MACF1: variants seen among roughly 807,000 people sequenced by gnomAD.
The protein encoded by MACF1 is microtubule-actin cross-linking factor 1.
Under a neutral mutation model 854.8 loss-of-function variants are expected in MACF1, and 193 were observed. The ratio of observed to expected loss-of-function variants is 0.23; its 90% confidence interval spans 0.20 to 0.25. The LOEUF is 0.25. MACF1 is among the 10% of genes least tolerant of loss of function. The probability of loss-of-function intolerance (pLI) is 1.00; values close to 1 mark genes in which losing one functional copy is unlikely to be tolerated. For missense variants in MACF1, 7,722 were observed against 8,929.1 expected, an observed-to-expected ratio of 0.86 and a Z score of 5.45; for synonymous variants, 3,185 against 3,226.7, an observed-to-expected ratio of 0.99 and a Z score of 0.44.
Position 39,254,366 on chromosome 1 carries a change from G to A in MACF1, c.426G>A (p.Lys142=). The A allele has an allele frequency of 2.5e-6, 4 of 1,614,114 alleles. No homozygotes were observed. The highest frequency in any genetic ancestry group is 3.4e-6 in the Non-Finnish European group (4 of 1,179,972). The change falls in exon 5 of 101, where the codon AAG becomes AAA. Residue 142 remains lysine, a synonymous_variant. Transcript: ENST00000564288. ...TGCAGATTGCCCTGGACTTCCTAAA[G>A]CAGCGACAGGTAAGACCATCACATG... ...QNVQIALDFL[K]QRQVKLVNIR...
intron 22 of MACF1, 53 bp downstream of exon 22, chr1:39,300,415 G>T: frequency 6.5e-7 from 1 of 1,536,438 alleles, no homozygotes; most frequent in Middle Eastern, 1.8e-4. Flanking sequence ...AAGAAAGAAG[G>T]GAAGCCTTCA....
chr1:39,103,146 A>T (rs1450867453), intron 2 of MACF1: 1 of 439,106 alleles, frequency 2.3e-6, no homozygotes, highest in African/African-American at 2.0e-5. Context: ...GTGTTTCTTA[A>T]AAGGAATCTC....
intron 58 of MACF1, chr1:39,412,074 G>T: frequency 6.2e-7 from 1 of 1,613,996 alleles, no homozygotes; most frequent in Middle Eastern, 1.6e-4. Flanking sequence ...CAGGAGGACT[G>T]CTGAACTCTG....
chr1:39,431,185 A>G (rs1029654891), intron 66 of MACF1, among the ~76,000 whole-genome samples: 10 of 152,210 alleles, frequency 6.6e-5, no homozygotes, highest in African/African-American at 1.9e-4. Flanking sequence ...AAGAAGGCTG[A>G]TGGTGATGGG....
At chr1:39,096,250 AAGGAGGGC>A (rs1242147868) in intron 2 of MACF1, among the ~76,000 whole-genome samples, 4 of 151,892 alleles carry the variant, frequency 2.6e-5, no homozygotes, top group Non-Finnish European at 4.4e-5. Context: ...AAACAGGTGA[AAGGAGGGC>A]AGGAGGGCAG....
intron 2 of MACF1, among the ~76,000 whole-genome samples, chr1:39,160,641 AG>A (rs1173013356): frequency 6.6e-6 from 1 of 152,222 alleles, no homozygotes; most frequent in Non-Finnish European, 1.5e-5. Context: ...AGTCTTTTTC[AG>A]GTGGGAGAAG....
chr1:39,455,038 G>A lies in MACF1; in HGVS notation c.21016G>A (p.Asp7006Asn). The A allele has an allele frequency of 5.0e-6, 8 of 1,614,132 alleles. No individual in the cohort carries two copies. Among genetic ancestry groups the A allele is most frequent in the Non-Finnish European group, 6.8e-6 (8 of 1,180,028 alleles). The change falls in exon 89 of 101, where the codon GAT becomes AAT. Residue 7006 changes from aspartate (D) to asparagine (N), a missense_variant. This residue lies in a region of MACF1 where 729 missense variants were observed against 900.5 expected (regional missense o/e 0.81). Transcript: ENST00000564288. ...GGCTGAGACCACCCTCATTCAGCGG[G>A]ATCAGGAGCCAATCCCGCAGAACAT... Reference protein sequence around the residue: ...QWAETTLIQRDQEPIPQNIDR... With the variant: ...QWAETTLIQRNQEPIPQNIDR...
chr1:39,284,433 G>A lies in MACF1; in HGVS notation c.1131+5G>A, dbSNP rs1229578923. 6.4e-7 allele frequency: 1 copy of A among 1,569,244 alleles called. No homozygotes were observed. Among genetic ancestry groups the A allele is most frequent in the Non-Finnish European group, 8.6e-7 (1 of 1,157,804 alleles). On this transcript the variant is annotated splice_donor_5th_base_variant and intron_variant, in intron 11 of 100. Coordinates refer to ENST00000564288, the MANE Select transcript of MACF1 (RefSeq NM_001394062.1). ...GAATTATATAAATTACTAGAGGTAA[G>A]TGAGCTTATCCTTTGCTGAGACTTG...
Position 39,336,422 on chromosome 1 carries a change from A to G in MACF1, c.9834A>G (p.Gly3278=), listed in dbSNP as rs764967704. The G allele has an allele frequency of 3.7e-6, 6 of 1,614,142 alleles. No individual in the cohort carries two copies. In the South Asian group the frequency reaches 6.6e-5, roughly 18 times the overall value. Residue 3278 remains glycine (G), a synonymous_variant, in exon 37 of 101, where the codon GGA becomes GGG. Coordinates refer to ENST00000564288, the MANE Select transcript of MACF1 (RefSeq NM_001394062.1). ...TTCTTCCAGAGAAACTGTTCAAAGG[A>G]GTGTCTCAAAAAGAGAATACAGGGC... ...GSFLPEKLFK[G]VSQKENTGQQ... is the part of the protein sequence containing the mutation.
chr1:39,150,625 C>T (rs1643560304), intron 2 of MACF1, among the ~76,000 whole-genome samples: 1 of 152,010 alleles, frequency 6.6e-6, no homozygotes, highest in African/African-American at 2.4e-5. Flanking sequence ...TGGTATATAC[C>T]TGCCTTTTAG....
chr1:39,434,062 AGAGT>A (rs1386693081), intron 68 of MACF1, among the ~76,000 whole-genome samples: 1 of 152,190 alleles, frequency 6.6e-6, no homozygotes, highest in Non-Finnish European at 1.5e-5. Context: ...CCTAGGTGAC[AGAGT>A]GAGACTCTGT....
Position 39,318,581 on chromosome 1 carries a change from G to C in MACF1, c.3911G>C (p.Ser1304Thr). The C allele has an allele frequency of 6.2e-7, 1 of 1,613,598 alleles. No individual in the cohort carries two copies. Among genetic ancestry groups the C allele is most frequent in the Non-Finnish European group, 8.5e-7 (1 of 1,179,782 alleles). ...ATGAAGCCAGGCCAGGCAGAGGATA[G>C]CAGAGTGCTTTCGGAGCAGCTCAGC... Reference protein sequence around the residue: ...EMMKPGQAEDSRVLSEQLSQQ... With the variant: ...EMMKPGQAEDTRVLSEQLSQQ... Residue 1304 changes from serine (S) to threonine (T), a missense_variant, in exon 30 of 101, where the codon AGC becomes ACC. Ser to Thr is a moderately conservative substitution (Grantham distance 58, BLOSUM62 1). Transcript: ENST00000564288.
chr1:39,229,472 C>T (rs1289310398), intron 1 of MACF1, among the ~76,000 whole-genome samples: 1 of 152,134 alleles, frequency 6.6e-6, no homozygotes, highest in Non-Finnish European at 1.5e-5. Context: ...AATAACTGGG[C>T]TTGGGGAGAG....
chr1:39,104,211 G>A (rs1287722907), intron 2 of MACF1, among the ~76,000 whole-genome samples: 1 of 152,172 alleles, frequency 6.6e-6, no homozygotes. Context: ...TAAATGGGGG[G>A]TGGCGGGCAC....
At chr1:39,260,664 C>T (rs1645152720) in intron 6 of MACF1, 2 of 151,910 alleles carry the variant, frequency 1.3e-5, no homozygotes, top group African/African-American at 4.8e-5. Context: ...GGCTGGTTGC[C>T]CATCATTTCT....
chr1:39,094,807 G>A (rs1008736342), intron 2 of MACF1, among the ~76,000 whole-genome samples: 4 of 152,078 alleles, frequency 2.6e-5, no homozygotes, highest in African/African-American at 9.7e-5. Context: ...TGGGAGGATT[G>A]CTTGAGCCCG....
At chr1:39,298,914 C>T (rs924024525) in intron 21 of MACF1, among the ~76,000 whole-genome samples, 1 of 152,010 alleles carries the variant, frequency 6.6e-6, no homozygotes, top group Non-Finnish European at 1.5e-5. Flanking sequence ...GGTCGCTGCT[C>T]TGTTCCCTCC....
chr1:39,269,020 T>A, intron 6 of MACF1: 1 of 1,288,676 alleles, frequency 7.8e-7, no homozygotes, highest in East Asian at 5.6e-5. Flanking sequence ...ATAGTACAGG[T>A]AAAGGAGAGA....
Position 39,332,376 on chromosome 1 carries a change from C to T in MACF1, c.5788C>T (p.Gln1930Ter). 6.2e-7 allele frequency: 1 copy of T among 1,614,076 alleles called. No homozygotes were observed. The highest frequency in any genetic ancestry group is 1.1e-5 in the South Asian group (1 of 91,082). Reference sequence around the variant, plus strand: ...TATACCTGATGTGATGCCCCACATGCAACTAGCAGACTCTGCAGAACAAAA... The same window carrying T: ...TATACCTGATGTGATGCCCCACATGTAACTAGCAGACTCTGCAGAACAAAA... ...ICIPDVMPHM[Q>*]LADSAEQNIN... The change falls in exon 37 of 101, where the codon CAA (glutamine) becomes TAA (stop). Residue 1930 changes from glutamine to a stop codon, truncating the protein, a stop_gained. Coordinates refer to ENST00000564288, the MANE Select transcript of MACF1 (RefSeq NM_001394062.1). LOFTEE classifies it high-confidence loss of function.
Sources: gnomAD v4.1 joint callset for allele counts (sites outside exome capture counted in the v4.1 genomes callset) on GRCh38, gnomAD v4.1.1 for gene constraint, gnomAD v4.1.1 regional missense constraint, MANE v1.5 for transcripts, NCBI Gene and HGNC (gene_info 2026-07-23, HGNC 2026-07-21) for gene names.